The following ANK2 variants were observed in gnomAD, a reference collection of about 807,000 sequenced individuals.
The protein encoded by ANK2 is ankyrin-2.
In ANK2, 83 loss-of-function variants were observed where a neutral mutation model predicts 360.5. The ratio of observed to expected loss-of-function variants is 0.23; its 90% confidence interval spans 0.19 to 0.28. The LOEUF is 0.28. Ranked by LOEUF, ANK2 falls within the 10% of genes least tolerant of loss-of-function variation. The pLI, the probability that ANK2 is intolerant of heterozygous loss-of-function variation, is 1.00. For synonymous variants in ANK2, 1,740 were observed against 1,759.5 expected (o/e 0.99, Z 0.28); for missense variants, 4,201 against 4,795.7 (o/e 0.88, Z 3.66).
chr4:112,775,481 C>T, the ANK2 span, among the ~76,000 whole-genome samples: 4 of 130,662 alleles, frequency 3.1e-5, no homozygotes, highest in East Asian at 4.3e-4. Context: ...ATTGGGCCGC[C>T]GCACTCCAGC....
At chr4:113,319,924 G>A (rs1010769731) in intron 26 of ANK2, among the ~76,000 whole-genome samples, 5 of 152,188 alleles carry the variant, frequency 3.3e-5, no homozygotes, top group African/African-American at 1.2e-4. Context: ...AAATCATAAT[G>A]AGGTGTTTAA....
intron 4 of ANK2, among the ~76,000 whole-genome samples, chr4:113,218,541 GA>G (rs766078577): frequency 1.3e-5 from 2 of 151,828 alleles, no homozygotes; most frequent in Non-Finnish European, 2.9e-5. Flanking sequence ...TATCTCAGGC[GA>G]TAAAAAGTGC....
the ANK2 span, among the ~76,000 whole-genome samples, chr4:112,773,656 T>C: frequency 1.7e-4 from 26 of 152,226 alleles, no homozygotes; most frequent in Non-Finnish European, 3.7e-4. Context: ...GACACATTCA[T>C]GCATTCAACT....
the ANK2 span, among the ~76,000 whole-genome samples, chr4:112,753,740 G>A: frequency 2.6e-5 from 4 of 152,096 alleles, no homozygotes; most frequent in African/African-American, 9.7e-5. Flanking sequence ...GCAATGTCAG[G>A]AAGTTACCCT....
At chr4:113,015,047 G>C (rs890317103) in intron 2 of ANK2, among the ~76,000 whole-genome samples, 5 of 151,264 alleles carry the variant, frequency 3.3e-5, no homozygotes, top group African/African-American at 1.2e-4. Context: ...TTTAGTAGAG[G>C]CGGGATTTCA....
At chr4:112,860,541 A>G (rs2067682992) in intron 1 of ANK2, among the ~76,000 whole-genome samples, 1 of 152,182 alleles carries the variant, frequency 6.6e-6, no homozygotes, top group African/African-American at 2.4e-5. Context: ...ACTGGGAAAG[A>G]CACTTGAACC....
In ANK2 at chr4:113,345,888, T is replaced by G. The variant is rs549707999; in HGVS notation, c.4249-12T>G. On this transcript the variant is annotated splice_polypyrimidine_tract_variant and intron_variant, in intron 34 of 45. Coordinates refer to ENST00000357077, the MANE Select transcript of ANK2 (RefSeq NM_001148.6). Reference sequence around the variant, plus strand: ...AAATGTGGGTGAAGCATGTATGTCTTTCTTGTTCAAGGTACGCGATACGAC... The same window carrying G: ...AAATGTGGGTGAAGCATGTATGTCTGTCTTGTTCAAGGTACGCGATACGAC... 2.5e-6 allele frequency: 4 copies of G among 1,613,288 alleles called. No homozygotes were observed. The highest frequency in any genetic ancestry group is 3.4e-6 in the Non-Finnish European group (4 of 1,179,336).
At chr4:113,315,756 A>G (rs370480980) in intron 24 of ANK2, among the ~76,000 whole-genome samples, 80 of 152,010 alleles carry the variant, frequency 5.3e-4, no homozygotes, top group East Asian at 2.9e-3. Flanking sequence ...AAAATTAGCC[A>G]GGCGTGGTGG....
rs780045702 is a variant in ANK2 at position 113,258,144 on chromosome 4, C to G, written c.1283C>G (p.Thr428Arg). The G allele has an allele frequency of 6.2e-7, 1 of 1,612,494 alleles. No homozygotes were observed. Among genetic ancestry groups the G allele is most frequent in the Non-Finnish European group, 8.5e-7 (1 of 1,178,516 alleles). ...VKYGASIQAI[T>R]ESGLTPIHVA... ...TATGGGGCTTCAATCCAAGCTATAA[C>G]AGAGGTAGAAAAATGTTTTAGCTAG... The change falls in exon 12 of 46, where the codon ACA becomes AGA. Residue 428 changes from threonine to arginine, a missense_variant. Around this residue, in one of 4 missense-constraint regions of ANK2, gnomAD observed 1,268 missense variants for 1,650.8 expected, o/e 0.77. Coordinates refer to ENST00000357077, the MANE Select transcript of ANK2 (RefSeq NM_001148.6).
intron 2 of ANK2, among the ~76,000 whole-genome samples, chr4:112,961,349 A>G (rs2034717226): frequency 6.6e-6 from 1 of 152,176 alleles, no homozygotes; most frequent in South Asian, 2.1e-4. Context: ...TTATGTGTAG[A>G]GTAACAATTA....
At chr4:113,298,522 T>C (rs768214577) in intron 22 of ANK2, among the ~76,000 whole-genome samples, 7 of 152,314 alleles carry the variant, frequency 4.6e-5, no homozygotes, top group Admixed American at 1.3e-4. Flanking sequence ...AAATCAGATA[T>C]TGACTACTAT....
At chr4:113,363,308 G>A (rs747693166) in intron 39 of ANK2, 30 bp from the exon 40 acceptor site, 1 of 1,608,694 alleles carries the variant, frequency 6.2e-7, no homozygotes, top group East Asian at 2.2e-5. Context: ...TGAAGTTAAT[G>A]TGTTTACAAA....
the ANK2 span, among the ~76,000 whole-genome samples, chr4:112,770,228 G>A: frequency 3.3e-5 from 5 of 152,176 alleles, no homozygotes; most frequent in African/African-American, 1.2e-4. Context: ...ATCCTCATCA[G>A]TTGGTCTCTC....
intron 1 of ANK2, among the ~76,000 whole-genome samples, chr4:112,845,757 C>T (rs1355992392): frequency 1.3e-5 from 2 of 152,128 alleles, no homozygotes; most frequent in East Asian, 1.9e-4. Context: ...TACCTGTCAA[C>T]GTACAAGTAT....
chr4:112,893,530 G>C (rs1164918807), intron 1 of ANK2, among the ~76,000 whole-genome samples: 1 of 152,070 alleles, frequency 6.6e-6, no homozygotes, highest in Non-Finnish European at 1.5e-5. Flanking sequence ...GCAAAACTGC[G>C]ACTATTTTTG....
chr4:113,022,540 T>G (rs547923366), intron 2 of ANK2, among the ~76,000 whole-genome samples: 1 of 152,146 alleles, frequency 6.6e-6, no homozygotes, highest in Non-Finnish European at 1.5e-5. Flanking sequence ...AGACACTGAG[T>G]GTACATGGAA....
chr4:112,891,709 T>G (rs2080083289), intron 1 of ANK2, among the ~76,000 whole-genome samples: 1 of 152,204 alleles, frequency 6.6e-6, no homozygotes, highest in African/African-American at 2.4e-5. Flanking sequence ...TTTAATTGTA[T>G]TTTAAATGAG....
chr4:113,038,015 G>A (rs550974654), intron 2 of ANK2, among the ~76,000 whole-genome samples: 1 of 152,086 alleles, frequency 6.6e-6, no homozygotes, highest in African/African-American at 2.4e-5. Flanking sequence ...CACTACATGT[G>A]TCCCTTTTTA....
intron 2 of ANK2, among the ~76,000 whole-genome samples, chr4:113,183,054 C>G (rs1360573519): frequency 6.6e-6 from 1 of 151,928 alleles, no homozygotes; most frequent in East Asian, 1.9e-4. Flanking sequence ...CTGGCTTTTG[C>G]TAGAATCGTG....
Sources: allele counts gnomAD v4.1 joint callset (sites outside exome capture counted in the v4.1 genomes callset), GRCh38; gene constraint gnomAD v4.1.1; regional missense constraint gnomAD v4.1.1; transcripts MANE v1.5; gene names NCBI Gene and HGNC (gene_info 2026-07-23, HGNC 2026-07-21).